Variants in PPP2R2A observed in about 807,000 individuals in gnomAD.
The protein encoded by PPP2R2A is protein phosphatase 2 regulatory subunit Balpha.
In PPP2R2A, 9 loss-of-function variants were observed where a neutral mutation model predicts 53.2. The ratio of observed to expected loss-of-function variants is 0.17; its 90% confidence interval spans 0.10 to 0.30. The LOEUF (loss-of-function observed/expected upper bound fraction) is 0.30, where lower values mean the gene tolerates loss of function less well. Among genes scored for constraint, PPP2R2A ranks in the 10% least tolerant of loss-of-function variants. The pLI is 1.00. For missense variants in PPP2R2A, 235 were observed against 534.6 expected (o/e 0.44, Z 5.53); for synonymous variants, 169 against 174.2 (o/e 0.97, Z 0.23).
chr8:26,325,409 T>G (rs534536276), intron 2 of PPP2R2A, among the ~76,000 whole-genome samples: 2 of 152,280 alleles, frequency 1.3e-5, no homozygotes, highest in African/African-American at 4.8e-5. Context: ...TTCTGAGGCC[T>G]TCCCAGCCAT....
rs771323341 is a variant in PPP2R2A at position 26,366,159 on chromosome 8, G to GA, written c.973-155dup. On this transcript the variant is annotated intron_variant, in intron 8 of 9. Coordinates refer to ENST00000380737, the MANE Select transcript of PPP2R2A (RefSeq NM_002717.4). The stretch of plus-strand genomic sequence containing the variant: ...GAAGGGCTTGTGTGTTTTGTAAAAG[G>GA]ACAAAATGCCTTTATTGTTACTGAG... 5.6e-5 allele frequency: 34 copies of GA among 603,372 alleles called. No homozygotes were observed. The Admixed American group carries it at 8.7e-4, about 15-fold the overall frequency. The allele number at this position is 603,372 out of a possible 1,614,324, so 37.4% of individuals were successfully genotyped here.
Position 26,362,604 on chromosome 8 carries a change from AT to A in PPP2R2A, c.638-79del. 7.4e-7 allele frequency: 1 copy of A among 1,358,610 alleles called. No homozygotes were observed. Among genetic ancestry groups the A allele is most frequent in the East Asian group, 2.4e-5 (1 of 41,738 alleles). The allele number at this position is 1,358,610 out of a possible 1,614,324, so 84.2% of individuals were successfully genotyped here. On this transcript the variant is annotated intron_variant, in intron 6 of 9. Coordinates refer to ENST00000380737, the MANE Select transcript of PPP2R2A (RefSeq NM_002717.4). The surrounding 1 kb of genome is among the most constrained non-coding windows in gnomAD (Gnocchi z 4.4). ...TTAATATTTTTGCTTAGGTCCATGA[AT>A]GGGTTTTAGGTTTGAGAAATGTAGA...
chr8:26,304,373 T>A (rs898910172), intron 2 of PPP2R2A, among the ~76,000 whole-genome samples: 1 of 152,170 alleles, frequency 6.6e-6, no homozygotes, highest in African/African-American at 2.4e-5. Context: ...TTTTATACTT[T>A]AATCAGAAGG....
At chr8:26,367,896 CTT>C (rs1206943136) in intron 9 of PPP2R2A, among the ~76,000 whole-genome samples, 1 of 152,200 alleles carries the variant, frequency 6.6e-6, no homozygotes, top group Non-Finnish European at 1.5e-5. Context: ...GTTGTCATCT[CTT>C]GTTAGTCTCC....
intron 1 of PPP2R2A, chr8:26,292,295 T>A: frequency 1.0e-6 from 1 of 991,548 alleles, no homozygotes; most frequent in Non-Finnish European, 1.2e-6. Context: ...GAGCGCCTTA[T>A]AAGTTAAAAT....
intron 2 of PPP2R2A, among the ~76,000 whole-genome samples, chr8:26,301,246 T>C (rs1380436993): frequency 1.3e-5 from 2 of 152,204 alleles, no homozygotes; most frequent in Non-Finnish European, 2.9e-5. Flanking sequence ...GCCTAGTAGA[T>C]ACTTTTTATT....
intron 6 of PPP2R2A, 40 bp downstream of exon 6, chr8:26,361,191 A>G (rs1408815913): frequency 2.6e-6 from 4 of 1,512,648 alleles, no homozygotes; most frequent in Admixed American, 2.2e-5. Flanking sequence ...TGAAGAAGGC[A>G]TGTTGTGCCC....
chr8:26,315,093 G>A (rs1456811535), intron 2 of PPP2R2A, among the ~76,000 whole-genome samples: 1 of 152,046 alleles, frequency 6.6e-6, no homozygotes, highest in East Asian at 1.9e-4. Flanking sequence ...AAGATTAATA[G>A]TTTTTTGGGT....
chr8:26,359,579 G>A (rs1804969868), intron 4 of PPP2R2A, among the ~76,000 whole-genome samples: 1 of 152,180 alleles, frequency 6.6e-6, no homozygotes, highest in African/African-American at 2.4e-5. Flanking sequence ...ACTTGGGGAT[G>A]TATGCTTTTA....
chr8:26,371,615 T>C lies in PPP2R2A; in HGVS notation c.*1202T>C, dbSNP rs1249715436. On this transcript the variant is annotated 3_prime_UTR_variant, in exon 10 of 10. Coordinates refer to ENST00000380737, the MANE Select transcript of PPP2R2A (RefSeq NM_002717.4). ...CATCAAGTGACACTGCACTAAATAC[T>C]TTTTTTGTATTTTACTGCTATCAAA... 1 of 152,184 alleles carries C rather than the reference T, an allele frequency of 6.6e-6. No homozygotes were observed. Among genetic ancestry groups the C allele is most frequent in the Non-Finnish European group, 1.5e-5 (1 of 68,014 alleles). The allele number at this position is 152,184 out of a possible 1,614,324, so 9.4% of individuals were successfully genotyped here.
rs1804659044 is a variant in PPP2R2A, at chr8:26,354,167, TC to T, written c.181-300del. On this transcript the variant is annotated intron_variant, in intron 3 of 9. Transcript: ENST00000380737. This position sits in a 1 kb window ranked among gnomAD's most constrained non-coding sequence, Gnocchi z 4.6. ...CTCAGTTTTTTTTCATCAGTTTTTT[TC>T]ATAGACTATACCATCAAATACATAA... is the stretch of plus-strand genomic sequence containing the variant. Among the ~76,000 whole-genome samples, 1 of 152,160 alleles carries T rather than the reference TC, an allele frequency of 6.6e-6. No homozygotes were observed. Among genetic ancestry groups the T allele is most frequent in the African/African-American group, 2.4e-5 (1 of 41,438 alleles).
At chr8:26,314,812 TTC>T (rs773032567) in intron 2 of PPP2R2A, among the ~76,000 whole-genome samples, 41 of 151,800 alleles carry the variant, frequency 2.7e-4, no homozygotes, top group Non-Finnish European at 5.2e-4. Context: ...TGTTTTTTCC[TTC>T]TCTGTTTCAT....
chr8:26,361,348 A>G (rs1473450561), intron 6 of PPP2R2A, among the ~76,000 whole-genome samples, 197 bp downstream of exon 6: 1 of 152,228 alleles, frequency 6.6e-6, no homozygotes, highest in African/African-American at 2.4e-5. Flanking sequence ...GGCATAATGT[A>G]TTGATTTAAA....
At chr8:26,307,471 G>T (rs992093228) in intron 2 of PPP2R2A, among the ~76,000 whole-genome samples, 1 of 152,196 alleles carries the variant, frequency 6.6e-6, no homozygotes, top group Non-Finnish European at 1.5e-5. Flanking sequence ...TAAGTGTTCA[G>T]TAAACACGTA....
At chr8:26,304,730 C>T (rs1050157513) in intron 2 of PPP2R2A, among the ~76,000 whole-genome samples, 4 of 152,104 alleles carry the variant, frequency 2.6e-5, no homozygotes, top group African/African-American at 9.7e-5. Flanking sequence ...CTATTGTAGG[C>T]AATAAATAGT....
chr8:26,333,172 T>C (rs1421438294), intron 2 of PPP2R2A, among the ~76,000 whole-genome samples: 2 of 152,222 alleles, frequency 1.3e-5, no homozygotes, highest in African/African-American at 4.8e-5. Context: ...AAGCAGAGTT[T>C]GGCAAACATT....
intron 2 of PPP2R2A, among the ~76,000 whole-genome samples, chr8:26,310,443 C>A (rs186673314): frequency 6.7e-6 from 1 of 149,766 alleles, no homozygotes. Flanking sequence ...TGTTATCAGA[C>A]GTACAGTTTT....
At position 26,338,805 on chromosome 8, in the gene PPP2R2A, GT is replaced by G; in HGVS notation, c.83-82del. On this transcript the variant is annotated intron_variant, in intron 2 of 9. Coordinates refer to ENST00000380737, the MANE Select transcript of PPP2R2A (RefSeq NM_002717.4). The surrounding 1 kb of genome is among the most constrained non-coding windows in gnomAD (Gnocchi z 4.5). ...AAGATATACTTCATAGACTTGGAAT[GT>G]TTGGGAAAACACGCTAAGTTCTGAA... The G allele has an allele frequency of 2.3e-6, 2 of 874,334 alleles. No homozygotes were observed. The allele number at this position is 874,334 out of a possible 1,614,324, so 54.2% of individuals were successfully genotyped here.
In PPP2R2A at chr8:26,328,656, C is replaced by T. The variant is rs560400971; in HGVS notation, c.83-10234C>T. On this transcript the variant is annotated intron_variant, in intron 2 of 9. Transcript: ENST00000380737. ...AATGTACTTTGTAACATTTTAAAAA[C>T]TCGGTGATACATCGTAGACCATATT... Among the ~76,000 whole-genome samples, 16 of 152,266 alleles carry T rather than the reference C, an allele frequency of 1.1e-4. No homozygotes were observed. In the South Asian group the frequency reaches 3.1e-3, roughly 30 times the overall value.
Sources: allele counts gnomAD v4.1 joint callset (sites outside exome capture counted in the v4.1 genomes callset), GRCh38; gene constraint gnomAD v4.1.1; non-coding constraint Gnocchi (gnomAD v3.1); transcripts MANE v1.5; gene names NCBI Gene and HGNC (gene_info 2026-07-23, HGNC 2026-07-21).